FARS2: variants seen among roughly 807,000 people sequenced by gnomAD.
FARS2 encodes the protein phenylalanine--tRNA ligase, mitochondrial.
A neutral mutation model predicts 46.4 loss-of-function variants in FARS2; 40 were observed. That is an observed-to-expected ratio of 0.86 (90% CI 0.67 to 1.12). The LOEUF is 1.12. Ranked by LOEUF, FARS2 falls within the 50% of genes most tolerant of loss-of-function variation. The pLI is 0.00. For synonymous variants in FARS2, 234 were observed against 214.9 expected (o/e 1.09, Z -0.78); for missense variants, 513 against 567.9 (o/e 0.90, Z 0.98).
At chr6:5,605,540 G>A (rs1774783370) in intron 5 of FARS2, among the ~76,000 whole-genome samples, 2 of 152,212 alleles carry the variant, frequency 1.3e-5, no homozygotes, top group Admixed American at 1.3e-4. Flanking sequence ...TTCTGTGTGA[G>A]GGGTTCGAGC....
At chr6:5,542,164 C>G (rs1770678030) in intron 4 of FARS2, among the ~76,000 whole-genome samples, 2 of 151,382 alleles carry the variant, frequency 1.3e-5, no homozygotes, top group Admixed American at 6.6e-5. Flanking sequence ...ACCACCCCTG[C>G]TGACCTCCTA....
chr6:5,303,815 G>A (rs143496920), intron 1 of FARS2, among the ~76,000 whole-genome samples: 11 of 152,172 alleles, frequency 7.2e-5, no homozygotes, highest in South Asian at 6.2e-4. Flanking sequence ...TGTGAAGTGC[G>A]CCCGGGGAAT....
intron 5 of FARS2, among the ~76,000 whole-genome samples, chr6:5,592,355 C>T (rs1443400155): frequency 1.3e-5 from 2 of 151,494 alleles, no homozygotes; most frequent in Non-Finnish European, 2.9e-5. Flanking sequence ...CACTATACTC[C>T]AGCCTGTGTG....
At chr6:5,616,517 AT>A (rs1351036149) in intron 6 of FARS2, among the ~76,000 whole-genome samples, 1 of 152,190 alleles carries the variant, frequency 6.6e-6, no homozygotes, top group African/African-American at 2.4e-5. Flanking sequence ...AGATGTTGGA[AT>A]ATTTGCATAT....
At position 5,605,547 on chromosome 6, in the gene FARS2, G is replaced by A. The variant is rs114646915; in HGVS notation, c.1066-7622G>A. Among the ~76,000 whole-genome samples, 1,388 of 152,262 alleles carry A rather than the reference G, an allele frequency of 9.1e-3. 11 individuals are homozygous for A. The highest frequency in any genetic ancestry group is 0.038 in the South Asian group (185 of 4,826). On this transcript the variant is annotated intron_variant, in intron 5 of 6. Transcript: ENST00000274680. The stretch of plus-strand genomic sequence containing the variant: ...CAACTCCATTCTGTGTGAGGGGTTC[G>A]AGCAGAGGAACCATAAAAACCTCTG...
At chr6:5,364,964 A>G (rs897604825) in intron 1 of FARS2, among the ~76,000 whole-genome samples, 3 of 151,942 alleles carry the variant, frequency 2.0e-5, no homozygotes, top group Non-Finnish European at 2.9e-5. Context: ...CAGGAGGATC[A>G]CTTGAGTCTG....
chr6:5,312,260 A>G (rs933656278), intron 1 of FARS2, among the ~76,000 whole-genome samples: 3 of 152,216 alleles, frequency 2.0e-5, no homozygotes, highest in Admixed American at 1.3e-4. Flanking sequence ...AAAAATTTTA[A>G]TAAGAATTTA....
chr6:5,685,869 T>G (rs142484083), intron 6 of FARS2, among the ~76,000 whole-genome samples: 13 of 152,254 alleles, frequency 8.5e-5, no homozygotes, highest in South Asian at 4.1e-4. Flanking sequence ...GAGAAAACTC[T>G]CCTTGTATTA....
chr6:5,382,508 T>G (rs1407116418), intron 2 of FARS2, among the ~76,000 whole-genome samples: 2 of 152,212 alleles, frequency 1.3e-5, no homozygotes, highest in Non-Finnish European at 2.9e-5. Context: ...TGTTAGATAT[T>G]GATTCTATCA....
chr6:5,370,575 G>A (rs1162897344), intron 2 of FARS2, among the ~76,000 whole-genome samples: 2 of 152,152 alleles, frequency 1.3e-5, no homozygotes, highest in Non-Finnish European at 2.9e-5. Flanking sequence ...GGTCACAGTA[G>A]CAGACAGGTG....
chr6:5,350,068 C>T (rs890887707), intron 1 of FARS2, among the ~76,000 whole-genome samples: 3 of 152,088 alleles, frequency 2.0e-5, no homozygotes, highest in Non-Finnish European at 4.4e-5. Context: ...TTTACTTTCC[C>T]CACCTTTTCT....
chr6:5,292,441 A>G (rs367981417), intron 1 of FARS2, among the ~76,000 whole-genome samples: 16 of 152,234 alleles, frequency 1.1e-4, no homozygotes, highest in East Asian at 7.7e-4. Context: ...CAATAGACAA[A>G]ATGGAGAGAT....
intron 6 of FARS2, among the ~76,000 whole-genome samples, chr6:5,622,274 T>C (rs954259728): frequency 3.3e-5 from 5 of 152,252 alleles, no homozygotes; most frequent in Admixed American, 2.0e-4. Flanking sequence ...TTCTCCGACC[T>C]GCCACCGGTC....
At chr6:5,637,148 A>G (rs1473838122) in intron 6 of FARS2, among the ~76,000 whole-genome samples, 1 of 152,226 alleles carries the variant, frequency 6.6e-6, no homozygotes, top group Admixed American at 6.5e-5. Flanking sequence ...CCTGACTTGC[A>G]GAGAAGAGAA....
At chr6:5,369,281 G>A in intron 2 of FARS2, 99 bp downstream of exon 2, 1 of 1,271,384 alleles carries the variant, frequency 7.9e-7, no homozygotes, top group East Asian at 2.5e-5. Context: ...AGTCATCCTT[G>A]CTTGCCTTAT....
rs537880181 is a variant in FARS2, at chr6:5,342,356, A to G, written c.-21-26194A>G. Among the ~76,000 whole-genome samples the G allele has an allele frequency of 2.6e-5, 4 of 152,350 alleles. No individual in the cohort carries two copies. The South Asian group carries it at 8.3e-4, about 32-fold the overall frequency. On this transcript the variant is annotated intron_variant, in intron 1 of 6. Coordinates refer to ENST00000274680, the MANE Select transcript of FARS2 (RefSeq NM_006567.5). ...TGAAGACTGTGGTGCATTTATTTAT[A>G]TTAGTTTCTAAAAATGAACAGAAAT...
chr6:5,658,043 G>A lies in FARS2; in HGVS notation c.1217+44723G>A, dbSNP rs142367236. On this transcript the variant is annotated intron_variant, in intron 6 of 6. Coordinates refer to ENST00000274680, the MANE Select transcript of FARS2 (RefSeq NM_006567.5). Reference sequence around the variant, plus strand: ...AGGCCGAGGTGGGCGGATCACCTGAGGTGGGGAATTCAAGACCAGTCTGAT... The same window carrying A: ...AGGCCGAGGTGGGCGGATCACCTGAAGTGGGGAATTCAAGACCAGTCTGAT... Among the ~76,000 whole-genome samples, 590 of 152,348 alleles carry A rather than the reference G, an allele frequency of 3.9e-3. 1 individual carries two copies. The highest frequency in any genetic ancestry group is 0.014 in the African/African-American group (567 of 41,582).
intron 5 of FARS2, chr6:5,609,678 T>C (rs759086315): frequency 4.6e-6 from 6 of 1,290,968 alleles, no homozygotes; most frequent in Non-Finnish European, 6.7e-6. Flanking sequence ...TTGTGGCCAT[T>C]CACAGGATGG....
intron 4 of FARS2, among the ~76,000 whole-genome samples, chr6:5,502,930 A>G (rs984428060): frequency 6.6e-6 from 1 of 152,036 alleles, no homozygotes; most frequent in African/African-American, 2.4e-5. Context: ...GATTCATGGG[A>G]TAAGAGGAAT....
Sources: allele counts gnomAD v4.1 joint callset (sites outside exome capture counted in the v4.1 genomes callset), GRCh38; gene constraint gnomAD v4.1.1; transcripts MANE v1.5; gene names NCBI Gene and HGNC (gene_info 2026-07-23, HGNC 2026-07-21).